PTBP2: variants seen among roughly 807,000 people sequenced by gnomAD.
The protein encoded by PTBP2 is polypyrimidine tract-binding protein 2.
PTBP2 carries 13 observed loss-of-function variants against 61.4 expected under a neutral mutation model. That is an observed-to-expected ratio of 0.21 (90% CI 0.14 to 0.34). The LOEUF (loss-of-function observed/expected upper bound fraction) is 0.34. Among genes scored for constraint, PTBP2 ranks in the 10% least tolerant of loss-of-function variants. PTBP2 has a pLI of 1.00. For missense variants in PTBP2, 405 were observed against 642.6 expected, an observed-to-expected ratio of 0.63 and a Z score of 4.00; for synonymous variants, 215 against 218.5, an observed-to-expected ratio of 0.98 and a Z score of 0.14.
At chr1:96,764,436 A>G (rs952899144) in intron 3 of PTBP2, among the ~76,000 whole-genome samples, 7 of 152,186 alleles carry the variant, frequency 4.6e-5, no homozygotes, top group Non-Finnish European at 8.8e-5. Context: ...TTAATTTTCT[A>G]GTGATTTCTT....
exon 14 of PTBP2, chr1:96,823,556 CATA>C (rs1445330517): frequency 6.6e-6 from 1 of 151,986 alleles, no homozygotes; most frequent in African/African-American, 2.4e-5. Context: ...GTCTGTTAAC[CATA>C]ATGTATTTTT....
chr1:96,722,002 C>T lies in PTBP2; in HGVS notation c.8+130C>T, dbSNP rs995951477. 31 of 1,185,704 alleles carry T rather than the reference C, an allele frequency of 2.6e-5. 1 individual carries two copies. The highest frequency in any genetic ancestry group is 3.4e-5 in the Non-Finnish European group (28 of 826,864). 73.4% of individuals were successfully genotyped at this position (1,185,704 alleles called of 1,614,324 possible). On this transcript the variant is annotated intron_variant, in intron 1 of 13. Transcript: ENST00000674951. ...CTGGGCTGCCGTTACCCAACCCCCGCCCCATCGCACACACCCCTCCCTTTG... is the reference window on the plus strand; with the variant it reads ...CTGGGCTGCCGTTACCCAACCCCCGTCCCATCGCACACACCCCTCCCTTTG...
At chr1:96,762,404 C>A (rs1169367703) in intron 3 of PTBP2, among the ~76,000 whole-genome samples, 12 of 149,038 alleles carry the variant, frequency 8.1e-5, no homozygotes, top group Non-Finnish European at 1.5e-4. Flanking sequence ...GGCTGACCCC[C>A]CCACCTCCCT....
intron 1 of PTBP2, 96 bp from the exon 2 acceptor site, chr1:96,723,468 T>C (rs1345453481): frequency 4.0e-6 from 4 of 1,010,166 alleles, no homozygotes; most frequent in African/African-American, 1.6e-5. Context: ...GCTGGAAGAT[T>C]TATGAATGAT....
chr1:96,746,840 C>T (rs1398578571), intron 2 of PTBP2, among the ~76,000 whole-genome samples: 5 of 85,610 alleles, frequency 5.8e-5, no homozygotes, highest in African/African-American at 1.1e-4. Context: ...TGTCTGTCTC[C>T]CTCCCTCCCT....
At chr1:96,785,818 TAATC>T (rs1464910238) in intron 8 of PTBP2, among the ~76,000 whole-genome samples, 3 of 152,220 alleles carry the variant, frequency 2.0e-5, no homozygotes. Flanking sequence ...CATTTTGTCT[TAATC>T]ATTTATATTT....
chr1:96,759,859 A>G (rs932903581), intron 3 of PTBP2, among the ~76,000 whole-genome samples: 1 of 152,214 alleles, frequency 6.6e-6, no homozygotes, highest in Non-Finnish European at 1.5e-5. Context: ...GAAAGAAACC[A>G]GTTTAATGAA....
At chr1:96,743,540 C>G (rs1339288647) in intron 2 of PTBP2, among the ~76,000 whole-genome samples, 2 of 151,806 alleles carry the variant, frequency 1.3e-5, no homozygotes, top group African/African-American at 4.9e-5. Context: ...TTAGGTATTG[C>G]AAAAGTGGCG....
chr1:96,726,023 G>A (rs1303648548), intron 2 of PTBP2, among the ~76,000 whole-genome samples: 4 of 133,868 alleles, frequency 3.0e-5, no homozygotes, highest in African/African-American at 5.8e-5. Context: ...TGCAGTAAGC[G>A]GAGATTGCAC....
intron 3 of PTBP2, among the ~76,000 whole-genome samples, chr1:96,754,548 G>A (rs1433887184): frequency 2.0e-5 from 3 of 152,046 alleles, no homozygotes; most frequent in African/African-American, 7.2e-5. Context: ...AAGATAAAAA[G>A]AAGTATAACG....
At position 96,813,508 on chromosome 1, in the gene PTBP2, G is replaced by A; in HGVS notation, c.*103G>A. 1 of 1,169,768 alleles carries A rather than the reference G, an allele frequency of 8.5e-7. No homozygotes were observed. 72.5% of individuals were successfully genotyped at this position (1,169,768 alleles called of 1,614,324 possible). A position where few individuals can be genotyped will look rare whatever the true frequency, so the allele number is the denominator to read the frequency against. ...CCAGAGTTTGATTTTTTTTGTTTTTGTTTTTTTGGGGTTTCTTTTTTTTTT... is the reference window on the plus strand; with the variant it reads ...CCAGAGTTTGATTTTTTTTGTTTTTATTTTTTTGGGGTTTCTTTTTTTTTT... On this transcript the variant is annotated 3_prime_UTR_variant, in exon 14 of 14. Coordinates refer to ENST00000674951, the MANE Select transcript of PTBP2 (RefSeq NM_021190.4).
chr1:96,750,370 T>A (rs1262568110), intron 2 of PTBP2, among the ~76,000 whole-genome samples: 3 of 151,252 alleles, frequency 2.0e-5, no homozygotes, highest in African/African-American at 7.3e-5. Flanking sequence ...TCAATGTGGC[T>A]TGAAACTGGT....
chr1:96,770,616 A>T, intron 4 of PTBP2, 92 bp from the exon 5 acceptor site: 1 of 1,088,820 alleles, frequency 9.2e-7, no homozygotes, highest in Non-Finnish European at 1.3e-6. Context: ...ATTATATTCT[A>T]GATAATTGAT....
chr1:96,729,651 G>A (rs550833916), intron 2 of PTBP2, among the ~76,000 whole-genome samples: 1 of 151,558 alleles, frequency 6.6e-6, no homozygotes, highest in Non-Finnish European at 1.5e-5. Context: ...GTGAACTTTG[G>A]TAATTTGTAT....
chr1:96,812,648 A>G, intron 11 of PTBP2, 64 bp from the exon 12 acceptor site: 2 of 1,292,484 alleles, frequency 1.5e-6, no homozygotes, highest in African/African-American at 1.5e-5. Context: ...CTGTTACGTT[A>G]AAAGAATTAT....
At chr1:96,721,966 C>T (rs1041602146) in intron 1 of PTBP2, 94 bp downstream of exon 1, 32 of 1,513,718 alleles carry the variant, frequency 2.1e-5, no homozygotes, top group Non-Finnish European at 2.6e-5. Flanking sequence ...CTCCCGCGGC[C>T]CCTCCCAGGG....
intron 8 of PTBP2, among the ~76,000 whole-genome samples, chr1:96,789,551 TCTC>T (rs1659565585): frequency 1.3e-5 from 2 of 152,112 alleles, no homozygotes; most frequent in Non-Finnish European, 2.9e-5. Context: ...TTGGTACAGT[TCTC>T]CTGGCACAAT....
At chr1:96,725,475 A>G (rs1167231368) in intron 2 of PTBP2, among the ~76,000 whole-genome samples, 5 of 151,716 alleles carry the variant, frequency 3.3e-5, no homozygotes, top group Non-Finnish European at 4.4e-5. Flanking sequence ...AATTTTTTGT[A>G]TTTTTAGTAG....
exon 14 of PTBP2, chr1:96,820,537 A>G (rs1445991537): frequency 6.6e-6 from 1 of 152,146 alleles, no homozygotes; most frequent in East Asian, 1.9e-4. Flanking sequence ...ACACATGTAC[A>G]TACCTCAGAC....
Sources: allele counts gnomAD v4.1 joint callset (sites outside exome capture counted in the v4.1 genomes callset), GRCh38; gene constraint gnomAD v4.1.1; transcripts MANE v1.5; gene names NCBI Gene and HGNC (gene_info 2026-07-23, HGNC 2026-07-21).